The following LRRIQ1 variants were observed in gnomAD, a reference collection of about 807,000 sequenced individuals.
LRRIQ1 encodes the protein leucine-rich repeat- and IQ domain-containing protein 1.
Under a neutral mutation model 211.9 loss-of-function variants are expected in LRRIQ1, and 210 were observed. The ratio of observed to expected loss-of-function variants is 0.99; its 90% CI spans 0.89 to 1.11. LRRIQ1 has a LOEUF of 1.11. LRRIQ1 is among the 50% of genes most tolerant of loss of function. LRRIQ1 has a pLI of 0.00. For synonymous variants in LRRIQ1, 699 were observed against 650.1 expected (o/e 1.08, Z -1.14); for missense variants, 2,136 against 1,939.5 (o/e 1.10, Z -1.90).
chr12:85,184,696 A>G (rs1036044182), intron 24 of LRRIQ1, among the ~76,000 whole-genome samples: 2 of 151,906 alleles, frequency 1.3e-5, no homozygotes, highest in Non-Finnish European at 2.9e-5. Flanking sequence ...AATTGACTAT[A>G]GTTTGTTTTG....
chr12:85,086,614 C>CTT (rs71309514), intron 11 of LRRIQ1, among the ~76,000 whole-genome samples: 32,149 of 147,386 alleles, frequency 0.22, 4,128 homozygotes, highest in Admixed American at 0.31. Context: ...TATTTCTTTT[C>CTT]TTTTTTTTTT....
intron 24 of LRRIQ1, among the ~76,000 whole-genome samples, chr12:85,226,623 T>C (rs1894668188): frequency 6.6e-6 from 1 of 150,892 alleles, no homozygotes; most frequent in African/African-American, 2.4e-5. Context: ...GTTGGTGTGC[T>C]GCACCCATTA....
In LRRIQ1 at chr12:85,056,281, G is replaced by C; in HGVS notation, c.1488G>C (p.Leu496Phe). The C allele has an allele frequency of 6.3e-7, 1 of 1,582,872 alleles. No individual in the cohort carries two copies. The highest frequency in any genetic ancestry group is 8.5e-7 in the Non-Finnish European group (1 of 1,171,950). The change falls in exon 8 of 27, where the codon TTG becomes TTC. Residue 496 changes from leucine to phenylalanine, a missense_variant. Coordinates refer to ENST00000393217, the MANE Select transcript of LRRIQ1 (RefSeq NM_001079910.2). Reference protein sequence around the residue: ...NLAKKRCSEELVKQERKYENT... With the variant: ...NLAKKRCSEEFVKQERKYENT... ...CAAAAAAACGATGTTCAGAAGAATTGGTCAAGCAAGAAAGAAAATATGAAA... is the reference window on the plus strand; with the variant it reads ...CAAAAAAACGATGTTCAGAAGAATTCGTCAAGCAAGAAAGAAAATATGAAA...
At chr12:85,087,173 A>C (rs973746238) in intron 11 of LRRIQ1, among the ~76,000 whole-genome samples, 4 of 151,650 alleles carry the variant, frequency 2.6e-5, no homozygotes, top group Non-Finnish European at 5.9e-5. Context: ...ATTCCCACCT[A>C]TGAGTGAGAA....
chr12:85,209,946 C>T (rs1231964470), intron 24 of LRRIQ1, among the ~76,000 whole-genome samples: 3 of 152,032 alleles, frequency 2.0e-5, no homozygotes, highest in Non-Finnish European at 1.5e-5. Context: ...CATATTTTTC[C>T]ATGAGACTCC....
At chr12:85,051,245 G>C (rs1880276596) in intron 6 of LRRIQ1, among the ~76,000 whole-genome samples, 1 of 151,966 alleles carries the variant, frequency 6.6e-6, no homozygotes, top group Non-Finnish European at 1.5e-5. Flanking sequence ...CTTCCACCGT[G>C]AGTAAAAGCA....
At chr12:85,109,580 T>C (rs1380611567) in intron 15 of LRRIQ1, among the ~76,000 whole-genome samples, 1 of 152,118 alleles carries the variant, frequency 6.6e-6, no homozygotes, top group African/African-American at 2.4e-5. Flanking sequence ...GAGTATGACC[T>C]AGTACAGTGG....
intron 11 of LRRIQ1, among the ~76,000 whole-genome samples, chr12:85,075,411 C>T (rs2136124806): frequency 1.3e-5 from 2 of 152,182 alleles, no homozygotes; most frequent in East Asian, 3.9e-4. Flanking sequence ...AAGCATGGTA[C>T]TGACATCTGC....
rs766926078 is a variant in LRRIQ1, at chr12:85,124,273, G to A, written c.3761G>A (p.Arg1254His). ...AATGGAGTCTTCTACTCTTGTGCAC[G>A]TGAAGGTGAGCCAGACTCACCAGAT... ...LQNGVFYSCA[R>H]EGEPDSPDIP... The change falls in exon 17 of 27, where the codon CGT (arginine) becomes CAT (histidine). Residue 1254 changes from arginine (R) to histidine (H), a missense_variant. Coordinates refer to ENST00000393217, the MANE Select transcript of LRRIQ1 (RefSeq NM_001079910.2). The A allele has an allele frequency of 9.3e-6, 15 of 1,614,062 alleles. No individual in the cohort carries two copies. The highest frequency in any genetic ancestry group is 1.1e-5 in the South Asian group (1 of 91,084).
chr12:85,061,096 TA>T (rs1881742302), intron 8 of LRRIQ1, among the ~76,000 whole-genome samples: 1 of 151,860 alleles, frequency 6.6e-6, no homozygotes, highest in Non-Finnish European at 1.5e-5. Flanking sequence ...ATGAGAGCTA[TA>T]AATATAGTTG....
intron 24 of LRRIQ1, among the ~76,000 whole-genome samples, chr12:85,209,967 A>G (rs1893757614): frequency 1.3e-5 from 2 of 152,134 alleles, no homozygotes; most frequent in Non-Finnish European, 2.9e-5. Context: ...TCTTAATGTC[A>G]TATTTCTTAA....
At chr12:85,271,325 G>A in the LRRIQ1 span, among the ~76,000 whole-genome samples, 1 of 151,942 alleles carries the variant, frequency 6.6e-6, no homozygotes, top group Non-Finnish European at 1.5e-5. Flanking sequence ...TTCAATGTTA[G>A]AAAGTTAGTC....
intron 24 of LRRIQ1, among the ~76,000 whole-genome samples, chr12:85,224,801 G>A (rs1307223647): frequency 6.6e-6 from 1 of 151,762 alleles, no homozygotes; most frequent in Non-Finnish European, 1.5e-5. Flanking sequence ...GAGTTGATGG[G>A]TGCAGTAAAC....
chr12:85,232,939 A>G, intron 26 of LRRIQ1, 183 bp downstream of exon 26: 1 of 512,534 alleles, frequency 2.0e-6, no homozygotes, highest in Non-Finnish European at 3.4e-6. Flanking sequence ...ACAATTTAAA[A>G]TGTGACATTG....
Position 85,073,005 on chromosome 12 carries a change from A to T in LRRIQ1, c.2794A>T (p.Ile932Phe). 6.2e-7 allele frequency: 1 copy of T among 1,612,842 alleles called. No homozygotes were observed. The highest frequency in any genetic ancestry group is 8.5e-7 in the Non-Finnish European group (1 of 1,179,250). ...TSYLSLAQVW[I>F]PTGLCWSWIP... The stretch of plus-strand genomic sequence containing the variant: ...TTACTTATCCCTGGCACAAGTCTGG[A>T]TTCCAACTGGATTATGTTGGTCCTG... The change falls in exon 11 of 27, where the codon ATT (isoleucine) becomes TTT (phenylalanine). Residue 932 changes from isoleucine (I) to phenylalanine (F), a missense_variant. Transcript: ENST00000393217.
At chr12:85,109,073 AGATCC>A (rs1312652179) in intron 15 of LRRIQ1, among the ~76,000 whole-genome samples, 1 of 152,158 alleles carries the variant, frequency 6.6e-6, no homozygotes, top group African/African-American at 2.4e-5. Flanking sequence ...ATGTCCAGGA[AGATCC>A]TGGATCTGAC....
At chr12:85,064,343 T>C (rs898551855) in intron 8 of LRRIQ1, among the ~76,000 whole-genome samples, 2 of 151,870 alleles carry the variant, frequency 1.3e-5, no homozygotes, top group Non-Finnish European at 2.9e-5. Context: ...TCTATTCAGA[T>C]CTTTTGCCCA....
intron 23 of LRRIQ1, among the ~76,000 whole-genome samples, chr12:85,156,369 A>G (rs561010360): frequency 1.3e-5 from 2 of 151,920 alleles, no homozygotes; most frequent in East Asian, 3.9e-4. Flanking sequence ...ATTAATGGTG[A>G]AAAGCATGAA....
intron 26 of LRRIQ1, among the ~76,000 whole-genome samples, chr12:85,234,172 A>G (rs1440300451): frequency 1.3e-5 from 2 of 152,014 alleles, no homozygotes; most frequent in African/African-American, 4.8e-5. Flanking sequence ...AGAAGATGGA[A>G]ATTGCCGTGA....
Sources: gnomAD v4.1 joint callset for allele counts (sites outside exome capture counted in the v4.1 genomes callset) on GRCh38, gnomAD v4.1.1 for gene constraint, MANE v1.5 for transcripts, NCBI Gene and HGNC (gene_info 2026-07-23, HGNC 2026-07-21) for gene names.